SHCBP1L: variants seen among roughly 807,000 people sequenced by gnomAD.
The protein encoded by SHCBP1L is SHC binding and spindle associated 1 like, also known as testicular spindle-associated protein SHCBP1L.
Under a neutral mutation model 62.5 loss-of-function variants are expected in SHCBP1L, and 67 were observed. The observed-to-expected ratio is 1.07, with a 90% CI of 0.88 to 1.31. The LOEUF is 1.31. Among genes scored for constraint, SHCBP1L ranks in the 40% most tolerant of loss-of-function variants. The pLI, the probability that SHCBP1L is intolerant of heterozygous loss-of-function variation, is 0.00. For missense variants in SHCBP1L, 823 were observed against 809.8 expected, an observed-to-expected ratio of 1.02 and a Z score of -0.20; for synonymous variants, 284 against 289.4, an observed-to-expected ratio of 0.98 and a Z score of 0.19.
chr1:182,908,323 T>C (rs1029713568), intron 6 of SHCBP1L, among the ~76,000 whole-genome samples: 1 of 137,546 alleles, frequency 7.3e-6, no homozygotes, highest in Admixed American at 8.1e-5. Flanking sequence ...TTTGTGTCCA[T>C]GTGTGCTTAG....
intron 6 of SHCBP1L, among the ~76,000 whole-genome samples, chr1:182,918,066 C>CTA (rs1039335966): frequency 2.7e-5 from 4 of 149,578 alleles, no homozygotes; most frequent in Non-Finnish European, 5.9e-5. Context: ...TCCTCTCTCT[C>CTA]TCTATATATA....
At position 182,900,156 on chromosome 1, in the gene SHCBP1L, G is replaced by A. The variant is rs771423171; in HGVS notation, c.1789C>T (p.Pro597Ser). 1.2e-6 allele frequency: 2 copies of A among 1,612,204 alleles called. No homozygotes were observed. Among genetic ancestry groups the A allele is most frequent in the South Asian group, 2.2e-5 (2 of 90,792 alleles). ...GCTACGATAAAAAACTGTTCCATTG[G>A]TTGAAGAATGCTTACTCCATAGCCT... ...NKGYGVSILQPMEQFFIVAEE... is the reference protein window; with the variant it reads ...NKGYGVSILQSMEQFFIVAEE... Residue 597 changes from proline (P) to serine (S), a missense_variant, in exon 10 of 10, where the codon CCA becomes TCA. Coordinates refer to ENST00000367547, the MANE Select transcript of SHCBP1L (RefSeq NM_030933.4).
In SHCBP1L at chr1:182,924,733, A is replaced by G. The variant is rs1261460409; in HGVS notation, c.1182+4914T>C. Among the ~76,000 whole-genome samples, 89 of 91,636 alleles carry G rather than the reference A, an allele frequency of 9.7e-4. 2 individuals carry two copies. Among genetic ancestry groups the G allele is most frequent in the African/African-American group, 4.2e-3 (49 of 11,746 alleles). The allele number at this position is 91,636 out of a possible 152,430, so 60.1% of individuals were successfully genotyped here. A position where few individuals can be genotyped will look rare whatever the true frequency, so the allele number is the denominator to read the frequency against. The stretch of plus-strand genomic sequence containing the variant: ...GAAAGAAAGAAAGAAAGAAAGAAAG[A>G]AAGAAAGAAAGAAAGAAAGAAAGAA... On this transcript the variant is annotated intron_variant, in intron 6 of 9. Transcript: ENST00000367547.
intron 5 of SHCBP1L, among the ~76,000 whole-genome samples, chr1:182,938,383 C>A (rs570267307): frequency 6.6e-6 from 1 of 152,058 alleles, no homozygotes; most frequent in East Asian, 1.9e-4. Flanking sequence ...GGATGACAGG[C>A]GTGAGCCACC....
At chr1:182,931,129 A>T (rs1275122805) in intron 5 of SHCBP1L, among the ~76,000 whole-genome samples, 2 of 152,086 alleles carry the variant, frequency 1.3e-5, no homozygotes, top group Non-Finnish European at 2.9e-5. Context: ...CTGAATTTAA[A>T]CATATAGCAG....
intron 6 of SHCBP1L, among the ~76,000 whole-genome samples, chr1:182,914,509 G>A (rs1449539030): frequency 1.3e-5 from 2 of 152,244 alleles, no homozygotes; most frequent in East Asian, 1.9e-4. Context: ...ATAAAGGGAC[G>A]ATGGAGCTGT....
chr1:182,919,849 C>T (rs1050144796), intron 6 of SHCBP1L, among the ~76,000 whole-genome samples: 4 of 152,152 alleles, frequency 2.6e-5, no homozygotes, highest in Non-Finnish European at 4.4e-5. Context: ...CCATGACTTG[C>T]TTGTTGTAAC....
chr1:182,945,953 G>A (rs1026728697), intron 2 of SHCBP1L, among the ~76,000 whole-genome samples: 4 of 151,784 alleles, frequency 2.6e-5, no homozygotes, highest in Non-Finnish European at 4.4e-5. Flanking sequence ...TCAGCTACTC[G>A]GGAGGCTGAG....
In SHCBP1L at chr1:182,904,444, A is replaced by G; in HGVS notation, c.1337-14T>C. On this transcript the variant is annotated splice_polypyrimidine_tract_variant and intron_variant, in intron 7 of 9. Coordinates refer to ENST00000367547, the MANE Select transcript of SHCBP1L (RefSeq NM_030933.4). Reference sequence around the variant, plus strand: ...TCTTTCCAACTCCTGATTCATAGGGATAAAAATACATTAAATCAGTAATCT... The same window carrying G: ...TCTTTCCAACTCCTGATTCATAGGGGTAAAAATACATTAAATCAGTAATCT... 2 of 1,612,452 alleles carry G rather than the reference A, an allele frequency of 1.2e-6. No homozygotes were observed. Among genetic ancestry groups the G allele is most frequent in the Non-Finnish European group, 1.7e-6 (2 of 1,179,320 alleles).
intron 5 of SHCBP1L, among the ~76,000 whole-genome samples, chr1:182,931,741 CA>C (rs1651002344): frequency 6.6e-6 from 1 of 152,138 alleles, no homozygotes; most frequent in African/African-American, 2.4e-5. Flanking sequence ...ACACTCGTTA[CA>C]ACCGATGAAC....
intron 5 of SHCBP1L, among the ~76,000 whole-genome samples, chr1:182,930,721 A>G (rs1460327979): frequency 8.8e-5 from 8 of 90,650 alleles, no homozygotes; most frequent in South Asian, 4.0e-4. Context: ...ATATATATAT[A>G]TATGTATTTT....
At chr1:182,901,707 G>T (rs1649843558) in intron 9 of SHCBP1L, among the ~76,000 whole-genome samples, 1 of 152,154 alleles carries the variant, frequency 6.6e-6, no homozygotes, top group Non-Finnish European at 1.5e-5. Flanking sequence ...TAGGTCTGGC[G>T]TGAGGCTCAA....
At position 182,938,448 on chromosome 1, in the gene SHCBP1L, AAAAC is replaced by A. The variant is rs750423900; in HGVS notation, c.1076+724_1076+727del. 3.3e-5 allele frequency among the ~76,000 whole-genome samples: 5 copies of A among 150,054 alleles called. No individual in the cohort carries two copies. In the East Asian group the frequency reaches 8.1e-4, roughly 24 times the overall value. Reference sequence around the variant, plus strand: ...TTTTCTTTTAAGAGACAGGGTCAAAAAAACAAACAAACAACAACAACAACAACAA... The same window carrying A: ...TTTTCTTTTAAGAGACAGGGTCAAAAAAACAAACAACAACAACAACAACAA... On this transcript the variant is annotated intron_variant, in intron 5 of 9. Coordinates refer to ENST00000367547, the MANE Select transcript of SHCBP1L (RefSeq NM_030933.4).
At position 182,929,727 on chromosome 1, in the gene SHCBP1L, T is replaced by C. The variant is rs148270884; in HGVS notation, c.1102A>G (p.Ile368Val). The C allele has an allele frequency of 6.3e-7, 1 of 1,590,922 alleles. No homozygotes were observed. The highest frequency in any genetic ancestry group is 2.3e-5 in the East Asian group (1 of 44,256). The change falls in exon 6 of 10, where the codon ATT becomes GTT. Residue 368 changes from isoleucine to valine, a missense_variant. By Grantham distance (29) the Ile-to-Val change is conservative. Coordinates refer to ENST00000367547, the MANE Select transcript of SHCBP1L (RefSeq NM_030933.4). The part of the protein sequence containing the change: ...LRVHGPFFPR[I>V]LRRRKGKREF... Reference sequence around the variant, plus strand: ...CTTTTTCCTTTCCTACGCCTCAGAATTCTTGGAAAGAAAGGTCCATGAACT... The same window carrying C: ...CTTTTTCCTTTCCTACGCCTCAGAACTCTTGGAAAGAAAGGTCCATGAACT...
intron 5 of SHCBP1L, among the ~76,000 whole-genome samples, chr1:182,932,582 C>T (rs1651042168): frequency 1.3e-5 from 2 of 152,144 alleles, no homozygotes; most frequent in Non-Finnish European, 2.9e-5. Flanking sequence ...GCAACCTCTG[C>T]CTCCCGGGTT....
chr1:182,953,105 G>T lies in SHCBP1L; in HGVS notation c.29C>A (p.Pro10His). 1 of 1,574,386 alleles carries T rather than the reference G, an allele frequency of 6.4e-7. No individual in the cohort carries two copies. Among genetic ancestry groups the T allele is most frequent in the African/African-American group, 1.3e-5 (1 of 74,504 alleles). Residue 10 changes from proline (P) to histidine (H), a missense_variant, in exon 1 of 10, where the codon CCC (proline) becomes CAC (histidine). Physicochemically the swap from Pro to His is moderately conservative, Grantham distance 77 (BLOSUM62 -2). Coordinates refer to ENST00000367547, the MANE Select transcript of SHCBP1L (RefSeq NM_030933.4). ...GCTGATGGTGCGGAATGAGTCCGCG[G>T]GCACCGAGGCCTTGGAGCCCGACGC... MASGSKASV[P>H]ADSFRTISPD...
chr1:182,923,865 A>G (rs1650593275), intron 6 of SHCBP1L, among the ~76,000 whole-genome samples: 1 of 152,228 alleles, frequency 6.6e-6, no homozygotes, highest in African/African-American at 2.4e-5. Context: ...GATTCAACAC[A>G]GTACTGGAAG....
chr1:182,940,921 T>C (rs1164809177), intron 2 of SHCBP1L, among the ~76,000 whole-genome samples: 2 of 152,098 alleles, frequency 1.3e-5, no homozygotes, highest in African/African-American at 2.4e-5. Flanking sequence ...GGTGTAATCA[T>C]TGCACACTAA....
chr1:182,916,508 G>C (rs902971602), intron 6 of SHCBP1L, among the ~76,000 whole-genome samples: 1 of 152,012 alleles, frequency 6.6e-6, no homozygotes, highest in African/African-American at 2.4e-5. Flanking sequence ...AGATATGAAG[G>C]TAGATACATT....
Sources: gnomAD v4.1 joint callset for allele counts (sites outside exome capture counted in the v4.1 genomes callset) on GRCh38, gnomAD v4.1.1 for gene constraint, MANE v1.5 for transcripts, NCBI Gene and HGNC (gene_info 2026-07-23, HGNC 2026-07-21) for gene names.